The following FBLN2 variants were observed in gnomAD, a reference collection of about 807,000 sequenced individuals.
The protein encoded by FBLN2 is fibulin 2.
Under a neutral mutation model 123.7 loss-of-function variants are expected in FBLN2, and 81 were observed. That is an observed-to-expected ratio of 0.65 (90% CI 0.55 to 0.79). FBLN2 has a LOEUF of 0.79. Ranked by LOEUF, FBLN2 falls within the 30% of genes least tolerant of loss-of-function variation. The pLI, the probability that FBLN2 is intolerant of heterozygous loss-of-function variation, is 0.00. For missense variants in FBLN2, 1,603 were observed against 1,681.3 expected (o/e 0.95, Z 0.81); for synonymous variants, 699 against 701.4 (o/e 1.00, Z 0.05).
intron 2 of FBLN2, among the ~76,000 whole-genome samples, chr3:13,604,966 C>T (rs1056829634): frequency 2.0e-5 from 3 of 152,242 alleles, no homozygotes; most frequent in Non-Finnish European, 1.5e-5. Flanking sequence ...ACGTGAACTG[C>T]TCAGGACATT....
intron 16 of FBLN2, among the ~76,000 whole-genome samples, chr3:13,632,600 T>A (rs984988184): frequency 6.6e-6 from 1 of 151,862 alleles, no homozygotes; most frequent in African/African-American, 2.4e-5. Flanking sequence ...TAGGGCAGAG[T>A]GGAGTGGCGT....
chr3:13,574,020 A>G (rs922548151), intron 2 of FBLN2, among the ~76,000 whole-genome samples: 1 of 152,040 alleles, frequency 6.6e-6, no homozygotes, highest in African/African-American at 2.4e-5. Flanking sequence ...AGCTCCCTGT[A>G]GCCCACTCTC....
intron 15 of FBLN2, among the ~76,000 whole-genome samples, chr3:13,631,056 C>T (rs1392838917): frequency 2.0e-5 from 3 of 152,198 alleles, no homozygotes; most frequent in Admixed American, 1.3e-4. Context: ...GGGATGAAGA[C>T]CTAAGTTTAC....
chr3:13,627,770 G>A, intron 10 of FBLN2, 62 bp from the exon 11 acceptor site: 3 of 1,533,668 alleles, frequency 2.0e-6, no homozygotes, highest in Non-Finnish European at 2.6e-6. Flanking sequence ...TGTGGGCAGG[G>A]CTGCTGAGTG....
At chr3:13,605,069 G>C (rs1023829814) in intron 2 of FBLN2, among the ~76,000 whole-genome samples, 1 of 152,214 alleles carries the variant, frequency 6.6e-6, no homozygotes, top group Non-Finnish European at 1.5e-5. Context: ...GCGGCTGTCA[G>C]TGGTAACGCT....
In FBLN2 at chr3:13,571,145, G is replaced by C; in HGVS notation, c.790G>C (p.Ala264Pro). The change falls in exon 2 of 18, where the codon GCC becomes CCC. Residue 264 changes from alanine (A) to proline (P), a missense_variant. Ala to Pro is a conservative substitution (Grantham distance 27). Transcript: ENST00000404922. Reference protein sequence around the residue: ...PTAAAALGPPAPVQAKARRVT... With the variant: ...PTAAAALGPPPPVQAKARRVT... ...AGCGGCTGCTGCCCTGGGTCCCCCA[G>C]CCCCAGTGCAGGCCAAAGCTAGGAG... 1 of 1,555,242 alleles carries C rather than the reference G, an allele frequency of 6.4e-7. No individual in the cohort carries two copies. The highest frequency in any genetic ancestry group is 2.0e-5 in the Admixed American group (1 of 51,170).
At chr3:13,605,006 A>T (rs1310869748) in intron 2 of FBLN2, among the ~76,000 whole-genome samples, 1 of 152,202 alleles carries the variant, frequency 6.6e-6, no homozygotes, top group Non-Finnish European at 1.5e-5. Context: ...TAGCACCTAC[A>T]CAGCCATTCA....
intron 2 of FBLN2, 123 bp downstream of exon 2, chr3:13,571,784 T>TG (rs1703969606): frequency 2.1e-6 from 2 of 946,624 alleles, no homozygotes; most frequent in Admixed American, 3.8e-5. Flanking sequence ...AGGCCTAGGG[T>TG]GGCCACCCCA....
intron 2 of FBLN2, among the ~76,000 whole-genome samples, chr3:13,581,174 C>T (rs533674636): frequency 3.2e-4 from 42 of 131,212 alleles, no homozygotes; most frequent in African/African-American, 1.2e-3. Flanking sequence ...ACGTGGTGCA[C>T]CTGGGGGCCA....
At chr3:13,591,395 T>C (rs1704669985) in intron 2 of FBLN2, among the ~76,000 whole-genome samples, 1 of 152,240 alleles carries the variant, frequency 6.6e-6, no homozygotes, top group African/African-American at 2.4e-5. Context: ...AAGTTCCAAA[T>C]TGGAATGAAG....
Position 13,614,101 on chromosome 3 carries a change from G to A in FBLN2, c.1666G>A (p.Glu556Lys). Residue 556 changes from glutamate (E) to lysine (K), a missense_variant, in exon 5 of 18, where the codon GAA (glutamate) becomes AAA (lysine). Transcript: ENST00000404922. Reference protein sequence around the residue: ...NHVMLSCCEGEEPLIVPEVRR... With the variant: ...NHVMLSCCEGKEPLIVPEVRR... Reference sequence around the variant, plus strand: ...TGTCATGCTCTCCTGCTGTGAGGGTGAAGAGCCTCTCATAGTACCTGAGGT... The same window carrying A: ...TGTCATGCTCTCCTGCTGTGAGGGTAAAGAGCCTCTCATAGTACCTGAGGT... 1 of 1,613,678 alleles carries A rather than the reference G, an allele frequency of 6.2e-7. No homozygotes were observed. The highest frequency in any genetic ancestry group is 1.3e-5 in the African/African-American group (1 of 75,054).
In FBLN2 at chr3:13,608,133, CT is replaced by C; in HGVS notation, c.1379del (p.Leu460ArgfsTer101). The C allele has an allele frequency of 4.4e-6, 7 of 1,597,308 alleles. No homozygotes were observed. The highest frequency in any genetic ancestry group is 5.1e-6 in the Non-Finnish European group (6 of 1,172,142). On this transcript the variant is annotated frameshift_variant, in exon 3 of 18. Transcript: ENST00000404922. LOFTEE classifies it high-confidence loss of function. ...GTGGGCCATTGACAATGACGAGTGCCTGGAGATCCCTGAGAGTGGCACTGAG... is the reference window on the plus strand; with the variant it reads ...GTGGGCCATTGACAATGACGAGTGCCGGAGATCCCTGAGAGTGGCACTGAG... ...QQWAIDNDEC[L>X]EIPESGTEDN...
chr3:13,618,255 C>T lies in FBLN2; in HGVS notation c.1909C>T (p.Leu637=). The T allele has an allele frequency of 6.2e-7, 1 of 1,613,944 alleles. No homozygotes were observed. The highest frequency in any genetic ancestry group is 8.5e-7 in the Non-Finnish European group (1 of 1,179,910). The change falls in exon 6 of 18, where the codon CTG becomes TTG. Residue 637 remains leucine (L), a synonymous_variant. Transcript: ENST00000404922. ...CTGTGCCTGCTTTCCTGGCTTCTCA[C>T]TGCAGGACGATGGCCGCACTTGCCG... is the stretch of plus-strand genomic sequence containing the variant. ...YHCACFPGFS[L]QDDGRTCRPE...
chr3:13,592,919 C>T (rs1420165463), intron 2 of FBLN2, among the ~76,000 whole-genome samples: 1 of 152,154 alleles, frequency 6.6e-6, no homozygotes, highest in African/African-American at 2.4e-5. Context: ...GCTGGGAGCT[C>T]AGCTGGGAGA....
intron 11 of FBLN2, among the ~76,000 whole-genome samples, 195 bp downstream of exon 11, chr3:13,628,164 G>C (rs2167197): frequency 0.41 from 62,645 of 152,082 alleles, 13,644 homozygotes; most frequent in East Asian, 0.66. Flanking sequence ...AAGTGTAGCT[G>C]CTCCTATTAC....
intron 2 of FBLN2, among the ~76,000 whole-genome samples, chr3:13,573,185 C>T (rs1393344864): frequency 1.5e-4 from 1 of 6,796 alleles, no homozygotes; most frequent in Non-Finnish European, 2.1e-4. Context: ...CTATATGGCT[C>T]CCTCCGGCCG....
At chr3:13,633,379 C>T (rs1706328140) in intron 16 of FBLN2, among the ~76,000 whole-genome samples, 1 of 152,278 alleles carries the variant, frequency 6.6e-6, no homozygotes, top group African/African-American at 2.4e-5. Flanking sequence ...ACCAGCCCCA[C>T]CAGGAGGTTG....
At chr3:13,571,765 T>G (rs1025453121) in intron 2 of FBLN2, 104 bp downstream of exon 2, 2 of 1,338,570 alleles carry the variant, frequency 1.5e-6, no homozygotes, top group African/African-American at 3.0e-5. Context: ...GATGCTGGAC[T>G]GTGGGGCCAG....
chr3:13,607,811 G>C (rs565807561), intron 2 of FBLN2, among the ~76,000 whole-genome samples: 1 of 152,156 alleles, frequency 6.6e-6, no homozygotes, highest in Non-Finnish European at 1.5e-5. Context: ...TGCTTTGAGA[G>C]TGGGGGCTGA....
Sources: gnomAD v4.1 joint callset for allele counts (sites outside exome capture counted in the v4.1 genomes callset) on GRCh38, gnomAD v4.1.1 for gene constraint, MANE v1.5 for transcripts, NCBI Gene and HGNC (gene_info 2026-07-23, HGNC 2026-07-21) for gene names.